The following ZC3H12A variants were observed in gnomAD, a reference collection of about 807,000 sequenced individuals.
ZC3H12A encodes zinc finger CCCH-type containing 12A.
Under a neutral mutation model 29.9 loss-of-function variants are expected in ZC3H12A, and 9 were observed. The observed-to-expected ratio is 0.30, with a 90% confidence interval of 0.18 to 0.53. The LOEUF (loss-of-function observed/expected upper bound fraction) is 0.53. ZC3H12A is among the 20% of genes least tolerant of loss of function. ZC3H12A has a pLI of 0.96. For synonymous variants in ZC3H12A, 323 were observed against 338.1 expected, an observed-to-expected ratio of 0.96 and a Z score of 0.49; for missense variants, 617 against 799.0, an observed-to-expected ratio of 0.77 and a Z score of 2.75.
In ZC3H12A at chr1:37,475,856, C is replaced by G. The variant is rs1223177950; in HGVS notation, c.360C>G (p.Asn120Lys). The G allele has an allele frequency of 6.3e-7, 1 of 1,576,198 alleles. No individual in the cohort carries two copies. The highest frequency in any genetic ancestry group is 1.8e-5 in the Admixed American group (1 of 55,382). Reference sequence around the variant, plus strand: ...GTGGTGGCACCCCTAAGGCTCCCAACCTGGAGCCTCCACTCCCAGAAGAGG... The same window carrying G: ...GTGGTGGCACCCCTAAGGCTCCCAAGCTGGAGCCTCCACTCCCAGAAGAGG... ...PRGGGTPKAP[N>K]LEPPLPEEEK... The change falls in exon 2 of 6, where the codon AAC (asparagine) becomes AAG (lysine). Residue 120 changes from asparagine to lysine, a missense_variant. By Grantham distance (94) the Asn-to-Lys change is moderately conservative. Coordinates refer to ENST00000373087, the MANE Select transcript of ZC3H12A (RefSeq NM_025079.3). This position sits in a 1 kb window ranked among gnomAD's most constrained non-coding sequence, Gnocchi z 5.2.
Position 37,475,696 on chromosome 1 carries a change from G to T in ZC3H12A, c.200G>T (p.Ser67Ile). Residue 67 changes from serine (S) to isoleucine (I), a missense_variant, in exon 2 of 6, where the codon AGC (serine) becomes ATC (isoleucine). Physicochemically the swap from Ser to Ile is moderately radical, Grantham distance 142 (BLOSUM62 -2). This residue lies in a region of ZC3H12A where 255 missense variants were observed against 402.5 expected (regional missense o/e 0.63). Coordinates refer to ENST00000373087, the MANE Select transcript of ZC3H12A (RefSeq NM_025079.3). The surrounding 1 kb of genome is among the most constrained non-coding windows in gnomAD (Gnocchi z 5.2). ...GGCTATTCATCCACGGAGATCCACA[G>T]CGTCCTGCAGAAGCTGGGCGTCCAG... ...KLGYSSTEIH[S>I]VLQKLGVQAD... 1 of 1,614,138 alleles carries T rather than the reference G, an allele frequency of 6.2e-7. No individual in the cohort carries two copies. Among genetic ancestry groups the T allele is most frequent in the Non-Finnish European group, 8.5e-7 (1 of 1,180,052 alleles).
In ZC3H12A at chr1:37,478,324, G is replaced by A. The variant is rs912586027; in HGVS notation, c.444-1966G>A. Among the ~76,000 whole-genome samples, 2 of 152,196 alleles carry A rather than the reference G, an allele frequency of 1.3e-5. No homozygotes were observed. Among genetic ancestry groups the A allele is most frequent in the African/African-American group, 2.4e-5 (1 of 41,444 alleles). On this transcript the variant is annotated intron_variant, in intron 2 of 5. Coordinates refer to ENST00000373087, the MANE Select transcript of ZC3H12A (RefSeq NM_025079.3). This position sits in a 1 kb window ranked among gnomAD's most constrained non-coding sequence, Gnocchi z 5.2. ...GCCAGCAGCATTGTTTCTCCCGTTC[G>A]CCACCTGTCTCTCATAACACACTTT...
In ZC3H12A at chr1:37,482,477, C is replaced by G; in HGVS notation, c.862C>G (p.Leu288Val). 1 of 1,614,128 alleles carries G rather than the reference C, an allele frequency of 6.2e-7. No individual in the cohort carries two copies. The highest frequency in any genetic ancestry group is 8.5e-7 in the Non-Finnish European group (1 of 1,179,998). ...CCCACTGGGCCGGCACGGGCCCAGC[C>G]TGGACAACTTCCTGCGTAAGAAGCC... The part of the protein sequence containing the change: ...DDPLGRHGPS[L>V]DNFLRKKPLT... The change falls in exon 5 of 6, where the codon CTG becomes GTG. Residue 288 changes from leucine (L) to valine (V), a missense_variant. By Grantham distance (32) the Leu-to-Val change is conservative. Coordinates refer to ENST00000373087, the MANE Select transcript of ZC3H12A (RefSeq NM_025079.3).
rs200751940 is a variant in ZC3H12A at position 37,475,914 on chromosome 1, A to G, written c.418A>G (p.Ile140Val). Residue 140 changes from isoleucine (I) to valine (V), a missense_variant, in exon 2 of 6, where the codon ATC becomes GTC. Ile to Val is a conservative substitution (Grantham distance 29). This residue lies in a region of ZC3H12A where 255 missense variants were observed against 402.5 expected (regional missense o/e 0.63). Transcript: ENST00000373087. The surrounding 1 kb of genome is among the most constrained non-coding windows in gnomAD (Gnocchi z 5.2). ...KEGSDLRPVV[I>V]DGSNVAMSHG... The stretch of plus-strand genomic sequence containing the variant: ...GGGCAGCGACCTGAGACCAGTGGTC[A>G]TCGATGGGAGCAACGTGGCCATGAG... The G allele has an allele frequency of 1.3e-4, 190 of 1,517,026 alleles. No individual in the cohort carries two copies. The East Asian group carries it at 4.2e-3, about 34-fold the overall frequency. 94.0% of individuals were successfully genotyped at this position (1,517,026 alleles called of 1,614,324 possible).
rs180722734 is a variant in ZC3H12A, at chr1:37,479,781, G to T, written c.444-509G>T. On this transcript the variant is annotated intron_variant, in intron 2 of 5. Transcript: ENST00000373087. The surrounding 1 kb of genome is among the most constrained non-coding windows in gnomAD (Gnocchi z 4.5). ...TTTCTCCTCGGTCAGCCCAGCCGGT[G>T]CTTCCCCCGCCCCCACCCACGCTGC... The T allele has an allele frequency of 9.1e-6, 9 of 985,426 alleles. No homozygotes were observed. In the East Asian group the frequency reaches 1.0e-3, roughly 112 times the overall value. 61.0% of individuals were successfully genotyped at this position (985,426 alleles called of 1,614,324 possible). A position where few individuals can be genotyped will look rare whatever the true frequency, so the allele number is the denominator to read the frequency against.
rs761146655 is a variant in ZC3H12A, at chr1:37,475,600, G to T, written c.104G>T (p.Gly35Val). Residue 35 changes from glycine (G) to valine (V), a missense_variant, in exon 2 of 6, where the codon GGT (glycine) becomes GTT (valine). This residue lies in a region of ZC3H12A where 67 missense variants were observed against 56.2 expected (regional missense o/e 1.19). Transcript: ENST00000373087. The surrounding 1 kb of genome is among the most constrained non-coding windows in gnomAD (Gnocchi z 5.2). ...AGCCGTCAGGGCACCCCAAGGCCGGGTCAAGAGCTGGCCGCTGAGGAGGCC... is the reference window on the plus strand; with the variant it reads ...AGCCGTCAGGGCACCCCAAGGCCGGTTCAAGAGCTGGCCGCTGAGGAGGCC... ...SHSRQGTPRP[G>V]QELAAEEASA... 1.2e-6 allele frequency: 2 copies of T among 1,614,052 alleles called. No individual in the cohort carries two copies.
In ZC3H12A at chr1:37,478,085, C is replaced by T. The variant is rs1293003147; in HGVS notation, c.443+2146C>T. On this transcript the variant is annotated intron_variant, in intron 2 of 5. Coordinates refer to ENST00000373087, the MANE Select transcript of ZC3H12A (RefSeq NM_025079.3). The surrounding 1 kb of genome is among the most constrained non-coding windows in gnomAD (Gnocchi z 5.2). Reference sequence around the variant, plus strand: ...GGTGGGCGGATACATGCGCACACTGCATACCTGAGACAAGGAGCCAGGCCT... The same window carrying T: ...GGTGGGCGGATACATGCGCACACTGTATACCTGAGACAAGGAGCCAGGCCT... 2.6e-5 allele frequency among the ~76,000 whole-genome samples: 4 copies of T among 152,268 alleles called. No individual in the cohort carries two copies. In the East Asian group the frequency reaches 5.8e-4, roughly 22 times the overall value.
In ZC3H12A at chr1:37,476,363, A is replaced by C. The variant is rs1641591540; in HGVS notation, c.443+424A>C. Among the ~76,000 whole-genome samples, 1 of 152,186 alleles carries C rather than the reference A, an allele frequency of 6.6e-6. No individual in the cohort carries two copies. The highest frequency in any genetic ancestry group is 2.4e-5 in the African/African-American group (1 of 41,454). On this transcript the variant is annotated intron_variant, in intron 2 of 5. Coordinates refer to ENST00000373087, the MANE Select transcript of ZC3H12A (RefSeq NM_025079.3). This position sits in a 1 kb window ranked among gnomAD's most constrained non-coding sequence, Gnocchi z 6.0. ...AGCGTTCAGGAACCATAGTAGTGGT[A>C]GTAGGCAGTGGTAGTAGCAGTTGTT...
rs1241240768 is a variant in ZC3H12A, at chr1:37,475,002, G to T, written c.-39+373G>T. Among the ~76,000 whole-genome samples, 1 of 152,238 alleles carries T rather than the reference G, an allele frequency of 6.6e-6. No individual in the cohort carries two copies. Among genetic ancestry groups the T allele is most frequent in the Admixed American group, 6.5e-5 (1 of 15,294 alleles). On this transcript the variant is annotated intron_variant, in intron 1 of 5. Coordinates refer to ENST00000373087, the MANE Select transcript of ZC3H12A (RefSeq NM_025079.3). This position sits in a 1 kb window ranked among gnomAD's most constrained non-coding sequence, Gnocchi z 5.2. Reference sequence around the variant, plus strand: ...CCCCGGCTCCGGGAGTCCGGCCATGGGCCTTGCGCTGCCTGGGCCTGAGCT... The same window carrying T: ...CCCCGGCTCCGGGAGTCCGGCCATGTGCCTTGCGCTGCCTGGGCCTGAGCT...
In ZC3H12A at chr1:37,483,748, G is replaced by A; in HGVS notation, c.*137G>A. ...CAGAGGGAGGATTCAAGTCGGGAAG[G>A]AAACCCACAAACCAAAGATACTGTA... On this transcript the variant is annotated 3_prime_UTR_variant, in exon 6 of 6. Coordinates refer to ENST00000373087, the MANE Select transcript of ZC3H12A (RefSeq NM_025079.3). 8.3e-7 allele frequency: 1 copy of A among 1,202,232 alleles called. No homozygotes were observed. The highest frequency in any genetic ancestry group is 1.1e-6 in the Non-Finnish European group (1 of 885,312). The allele number at this position is 1,202,232 out of a possible 1,614,324, so 74.5% of individuals were successfully genotyped here.
chr1:37,482,834 T>C lies in ZC3H12A; in HGVS notation c.1023T>C (p.Ala341=), dbSNP rs763252083. 13 of 1,613,642 alleles carry C rather than the reference T, an allele frequency of 8.1e-6. No individual in the cohort carries two copies. The Admixed American group carries it at 2.2e-4, about 27-fold the overall frequency. Residue 341 remains alanine, a synonymous_variant, in exon 6 of 6, where the codon GCT becomes GCC. Coordinates refer to ENST00000373087, the MANE Select transcript of ZC3H12A (RefSeq NM_025079.3). ...TGGCAGATGAGCTCCGTGCCAATGC[T>C]CTCCTCTCACCCCCCAGAGCCCCAA... The part of the protein sequence containing the change: ...RSVADELRAN[A]LLSPPRAPSK...
intron 3 of ZC3H12A, among the ~76,000 whole-genome samples, chr1:37,481,180 C>T (rs894039262): frequency 3.3e-5 from 5 of 152,148 alleles, no homozygotes; most frequent in African/African-American, 7.2e-5. Flanking sequence ...TGGGATTTAG[C>T]GACCTTGTCC....
Position 37,482,456 on chromosome 1 carries a change from C to T in ZC3H12A, c.841C>T (p.Leu281=), listed in dbSNP as rs915483435. 6.2e-7 allele frequency: 1 copy of T among 1,613,762 alleles called. No homozygotes were observed. Among genetic ancestry groups the T allele is most frequent in the African/African-American group, 1.3e-5 (1 of 74,908 alleles). Residue 281 remains leucine, a synonymous_variant, in exon 5 of 6, where the codon CTG becomes TTG. Coordinates refer to ENST00000373087, the MANE Select transcript of ZC3H12A (RefSeq NM_025079.3). ...CAGGTTTATGCCCCCTGATGACCCA[C>T]TGGGCCGGCACGGGCCCAGCCTGGA... ...NDKFMPPDDP[L]GRHGPSLDNF... is the part of the protein sequence containing the mutation.
rs1275719785 is a variant in ZC3H12A at position 37,474,580 on chromosome 1, A to T, written c.-88A>T. 6.6e-6 allele frequency: 1 copy of T among 151,890 alleles called. No homozygotes were observed. The highest frequency in any genetic ancestry group is 1.9e-4 in the East Asian group (1 of 5,156). 9.4% of individuals were successfully genotyped at this position (151,890 alleles called of 1,614,324 possible). A position where few individuals can be genotyped will look rare whatever the true frequency, so the allele number is the denominator to read the frequency against. Reference sequence around the variant, plus strand: ...TAAAGGCGCCGCCGTCCTTACCCCCAGGACTCGGCCCCATGGAGACGCCGC... The same window carrying T: ...TAAAGGCGCCGCCGTCCTTACCCCCTGGACTCGGCCCCATGGAGACGCCGC... On this transcript the variant is annotated 5_prime_UTR_variant, in exon 1 of 6. Coordinates refer to ENST00000373087, the MANE Select transcript of ZC3H12A (RefSeq NM_025079.3).
At position 37,476,035 on chromosome 1, in the gene ZC3H12A, C is replaced by G; in HGVS notation, c.443+96C>G. 1 of 1,292,508 alleles carries G rather than the reference C, an allele frequency of 7.7e-7. No homozygotes were observed. Among genetic ancestry groups the G allele is most frequent in the Non-Finnish European group, 1.0e-6 (1 of 973,492 alleles). 80.1% of individuals were successfully genotyped at this position (1,292,508 alleles called of 1,614,324 possible). On this transcript the variant is annotated intron_variant, in intron 2 of 5. Transcript: ENST00000373087. This position sits in a 1 kb window ranked among gnomAD's most constrained non-coding sequence, Gnocchi z 6.0. ...TGACTGTCTCTGCAGCTCTGGTGGGCTGGAAGAAGTGACTTCCTTCTTAGG... is the reference window on the plus strand; with the variant it reads ...TGACTGTCTCTGCAGCTCTGGTGGGGTGGAAGAAGTGACTTCCTTCTTAGG...
chr1:37,482,806 C>CT lies in ZC3H12A; in HGVS notation c.996dup (p.Val333CysfsTer4), dbSNP rs759696660. On this transcript the variant is annotated frameshift_variant, in exon 6 of 6. Transcript: ENST00000373087. LOFTEE classifies it low-confidence loss of function (END_TRUNC). Reference sequence around the variant, plus strand: ...GAGCGGCCAAGCTGCCCCCAGCGCTCTGTGGCAGATGAGCTCCGTGCCAAT... The same window carrying CT: ...GAGCGGCCAAGCTGCCCCCAGCGCTCTTGTGGCAGATGAGCTCCGTGCCAAT... The CT allele has an allele frequency of 6.2e-7, 1 of 1,614,112 alleles. No individual in the cohort carries two copies.
rs1641645854 is a variant in ZC3H12A, at chr1:37,478,983, G to T, written c.444-1307G>T. On this transcript the variant is annotated intron_variant, in intron 2 of 5. Coordinates refer to ENST00000373087, the MANE Select transcript of ZC3H12A (RefSeq NM_025079.3). This position sits in a 1 kb window ranked among gnomAD's most constrained non-coding sequence, Gnocchi z 5.2. The stretch of plus-strand genomic sequence containing the variant: ...GTCTTGCCCCCAAATAGCCTCCATG[G>T]CCCCCAGCTGCCCCACCTCCCTCCC... 6.1e-6 allele frequency: 6 copies of T among 985,060 alleles called. No individual in the cohort carries two copies. Among genetic ancestry groups the T allele is most frequent in the Non-Finnish European group, 7.2e-6 (6 of 829,850 alleles). The allele number at this position is 985,060 out of a possible 1,614,324, so 61.0% of individuals were successfully genotyped here.
In ZC3H12A at chr1:37,483,426, G is replaced by A. The variant is rs1383511723; in HGVS notation, c.1615G>A (p.Gly539Ser). 2 of 1,614,064 alleles carry A rather than the reference G, an allele frequency of 1.2e-6. No individual in the cohort carries two copies. Among genetic ancestry groups the A allele is most frequent in the Admixed American group, 3.3e-5 (2 of 60,030 alleles). ...GCCCCCAGTGCAGAGCCCAGGGGCT[G>A]GCAGGAGCCCGTGGGGCAGGGCAGG... ...QEPPVQSPGAGRSPWGRAGSL... is the reference protein window; with the variant it reads ...QEPPVQSPGASRSPWGRAGSL... Residue 539 changes from glycine (G) to serine (S), a missense_variant, in exon 6 of 6, where the codon GGC becomes AGC. Transcript: ENST00000373087.
chr1:37,480,825 GCTC>G (rs4025838), intron 3 of ZC3H12A, among the ~76,000 whole-genome samples: 31,298 of 152,158 alleles, frequency 0.21, 3,569 homozygotes, highest in East Asian at 0.38. Context: ...TGAGCCACAT[GCTC>G]CTCATCTGAA....
Sources: gnomAD v4.1 joint callset for allele counts (sites outside exome capture counted in the v4.1 genomes callset) on GRCh38, gnomAD v4.1.1 for gene constraint, gnomAD v4.1.1 regional missense constraint, Gnocchi (gnomAD v3.1) non-coding constraint, MANE v1.5 for transcripts, NCBI Gene and HGNC (gene_info 2026-07-23, HGNC 2026-07-21) for gene names.